The following NAT1 variants were observed in gnomAD, a reference collection of about 807,000 sequenced individuals.
NAT1 encodes the protein arylamine N-acetyltransferase 1.
For synonymous variants in NAT1, 144 were observed against 122.6 expected (o/e 1.17, Z -1.16); for missense variants, 400 against 339.2 (o/e 1.18, Z -1.41).
intron 2 of NAT1, among the ~76,000 whole-genome samples, chr8:18,185,281 A>T (rs1482827501): frequency 2.0e-5 from 3 of 152,114 alleles, no homozygotes; most frequent in African/African-American, 4.8e-5. Flanking sequence ...TCTAGGCCGG[A>T]TGTTCTGTTT....
chr8:18,191,439 G>A (rs943005663), intron 2 of NAT1, among the ~76,000 whole-genome samples: 1 of 152,064 alleles, frequency 6.6e-6, no homozygotes, highest in Non-Finnish European at 1.5e-5. Flanking sequence ...TAACATTAAT[G>A]CCATCCCCAT....
chr8:18,185,999 G>C (rs770353965), intron 2 of NAT1, among the ~76,000 whole-genome samples: 2 of 152,114 alleles, frequency 1.3e-5, no homozygotes, highest in Non-Finnish European at 2.9e-5. Context: ...TTGCGTTGTA[G>C]TCAAAGCACA....
At chr8:18,194,587 G>A (rs1029077109) in intron 2 of NAT1, among the ~76,000 whole-genome samples, 70 of 152,218 alleles carry the variant, frequency 4.6e-4, no homozygotes, top group African/African-American at 1.6e-3. Flanking sequence ...TTGGGAGGCT[G>A]AGGCAGGTGA....
At chr8:18,212,808 C>T (rs1804231478) in intron 1 of NAT1, 1 of 152,470 alleles carries the variant, frequency 6.6e-6, no homozygotes, top group Non-Finnish European at 1.5e-5. Flanking sequence ...CTGTGCTAAC[C>T]CCAGTCCTCA....
At chr8:18,175,715 T>G (rs751509688) in intron 2 of NAT1, among the ~76,000 whole-genome samples, 1 of 152,136 alleles carries the variant, frequency 6.6e-6, no homozygotes, top group Non-Finnish European at 1.5e-5. Flanking sequence ...CTTCAATTCC[T>G]TTAAATATAT....
At chr8:18,219,615 G>C in intron 2 of NAT1, 126 bp downstream of exon 2, 1 of 566,110 alleles carries the variant, frequency 1.8e-6, no homozygotes. Flanking sequence ...GATTCTACAA[G>C]TGGATATATA....
intron 2 of NAT1, among the ~76,000 whole-genome samples, chr8:18,177,294 GT>G (rs1802330875): frequency 6.6e-6 from 1 of 151,902 alleles, no homozygotes; most frequent in Non-Finnish European, 1.5e-5. Flanking sequence ...CATTGAATAG[GT>G]TTTGGAATAT....
In NAT1 at chr8:18,222,056, T is replaced by G; in HGVS notation, c.9T>G (p.Ile3Met). 3 of 1,612,030 alleles carry G rather than the reference T, an allele frequency of 1.9e-6. No individual in the cohort carries two copies. The highest frequency in any genetic ancestry group is 2.2e-5 in the South Asian group (2 of 90,782). Reference protein sequence around the residue: MDIEAYLERIGYK... With the variant: MDMEAYLERIGYK... The stretch of plus-strand genomic sequence containing the variant: ...TCCTTGCTTAGGGGATCATGGACAT[T>G]GAAGCATATCTTGAAAGAATTGGCT... Residue 3 changes from isoleucine to methionine, a missense_variant, in exon 3 of 3, where the codon ATT becomes ATG. Coordinates refer to ENST00000307719, the MANE Select transcript of NAT1 (RefSeq NM_000662.8).
chr8:18,188,535 T>C (rs1802836299), intron 2 of NAT1, among the ~76,000 whole-genome samples: 1 of 152,198 alleles, frequency 6.6e-6, no homozygotes, highest in Non-Finnish European at 1.5e-5. Flanking sequence ...TCAACTTTTA[T>C]TAAAATTGGG....
intron 2 of NAT1, among the ~76,000 whole-genome samples, chr8:18,190,084 C>A (rs1354159918): frequency 6.6e-6 from 1 of 152,178 alleles, no homozygotes; most frequent in Admixed American, 6.5e-5. Flanking sequence ...GCCACCACAC[C>A]CAGCCTGCTA....
intron 2 of NAT1, among the ~76,000 whole-genome samples, chr8:18,197,225 A>G (rs1276686939): frequency 1.3e-5 from 2 of 152,312 alleles, no homozygotes; most frequent in East Asian, 1.9e-4. Context: ...ACAGTTTGAG[A>G]TGAGATTGCG....
chr8:18,211,172 AT>A (rs11297891), intron 1 of NAT1: 50,762 of 151,836 alleles, frequency 0.33, 9,402 homozygotes, highest in Non-Finnish European at 0.42. Context: ...TGACAAAAAA[AT>A]TTAACTCCTT....
chr8:18,209,974 G>A (rs1589100450), upstream of NAT1: 1 of 152,076 alleles, frequency 6.6e-6, no homozygotes, highest in South Asian at 2.1e-4. Context: ...TGAATAAGGG[G>A]TCCACAGGAG....
chr8:18,206,188 C>T (rs527445853), upstream of NAT1, among the ~76,000 whole-genome samples: 1 of 152,176 alleles, frequency 6.6e-6, no homozygotes, highest in African/African-American at 2.4e-5. Flanking sequence ...TTGCTCCATA[C>T]CAGTTCAACT....
At chr8:18,185,432 C>T (rs894836428) in intron 2 of NAT1, among the ~76,000 whole-genome samples, 11 of 151,998 alleles carry the variant, frequency 7.2e-5, no homozygotes, top group African/African-American at 2.7e-4. Flanking sequence ...AAACTTATTG[C>T]CATAATACTG....
At chr8:18,213,901 C>G (rs956252087) in intron 1 of NAT1, among the ~76,000 whole-genome samples, 1 of 151,798 alleles carries the variant, frequency 6.6e-6, no homozygotes, top group African/African-American at 2.4e-5. Flanking sequence ...GCAAGCTCCG[C>G]TTCCTGGGTT....
Position 18,188,908 on chromosome 8 carries a change from T to G in NAT1, n.92+18169T>G, listed in dbSNP as rs1489134123. 5.5e-5 allele frequency among the ~76,000 whole-genome samples: 8 copies of G among 144,316 alleles called. No individual in the cohort carries two copies. In the South Asian group the frequency reaches 1.7e-3, roughly 31 times the overall value. 94.7% of individuals were successfully genotyped at this position (144,316 alleles called of 152,430 possible). On this transcript the variant is annotated intron_variant and non_coding_transcript_variant, in intron 2 of 4. Coordinates refer to the NAT1 transcript ENST00000517441. ...TACTCAGGAGGCTGAGGCAGGAGAA[T>G]CACTTGAACCCGAGAGGTGGAGACT...
At chr8:18,189,203 T>A (rs978962276) in intron 2 of NAT1, among the ~76,000 whole-genome samples, 6 of 152,246 alleles carry the variant, frequency 3.9e-5, no homozygotes, top group Admixed American at 2.0e-4. Context: ...CTTGAGGATT[T>A]CAAACTTGAA....
chr8:18,178,884 ACTC>A (rs1802394477), intron 2 of NAT1, among the ~76,000 whole-genome samples: 1 of 151,976 alleles, frequency 6.6e-6, no homozygotes, highest in Non-Finnish European at 1.5e-5. Flanking sequence ...AATACCACTT[ACTC>A]CTCTAGATTT....
Sources: allele counts gnomAD v4.1 joint callset (sites outside exome capture counted in the v4.1 genomes callset), GRCh38; gene constraint gnomAD v4.1.1; transcripts MANE v1.5; gene names NCBI Gene and HGNC (gene_info 2026-07-23, HGNC 2026-07-21).